The following CDH18 variants were observed in gnomAD, a reference collection of about 807,000 sequenced individuals.
CDH18 encodes cadherin 18, also known as cadherin-18.
Under a neutral mutation model 67.9 loss-of-function variants are expected in CDH18, and 31 were observed. The ratio of observed to expected loss-of-function variants is 0.46; its 90% confidence interval spans 0.34 to 0.62. The LOEUF (loss-of-function observed/expected upper bound fraction) is 0.62, where lower values mean the gene tolerates loss of function less well. Ranked by LOEUF, CDH18 falls within the 20% of genes least tolerant of loss-of-function variation. CDH18 has a pLI of 0.01. For synonymous variants in CDH18, 362 were observed against 347.2 expected, an observed-to-expected ratio of 1.04 and a Z score of -0.48; for missense variants, 890 against 975.5, an observed-to-expected ratio of 0.91 and a Z score of 1.17.
chr5:19,964,067 G>A (rs1797185150), intron 2 of CDH18, among the ~76,000 whole-genome samples: 2 of 152,084 alleles, frequency 1.3e-5, no homozygotes, highest in Non-Finnish European at 1.5e-5. Context: ...GGATTTGAGT[G>A]AGGACACAGC....
At chr5:20,411,969 T>C (rs1746823188) in intron 1 of CDH18, among the ~76,000 whole-genome samples, 1 of 152,204 alleles carries the variant, frequency 6.6e-6, no homozygotes. Flanking sequence ...GAAAGCAATC[T>C]ACAGATTCAC....
intron 1 of CDH18, among the ~76,000 whole-genome samples, chr5:20,519,491 G>A (rs1755593130): frequency 6.6e-6 from 1 of 151,934 alleles, no homozygotes; most frequent in Non-Finnish European, 1.5e-5. Flanking sequence ...GAGAGGGGAG[G>A]GATAGCATTA....
At chr5:20,466,993 T>A (rs1751675783) in intron 1 of CDH18, among the ~76,000 whole-genome samples, 1 of 152,066 alleles carries the variant, frequency 6.6e-6, no homozygotes, top group Non-Finnish European at 1.5e-5. Context: ...TAATATGAAA[T>A]GGATAATGTC....
At chr5:19,513,864 T>C (rs916939368) in intron 10 of CDH18, among the ~76,000 whole-genome samples, 1 of 152,154 alleles carries the variant, frequency 6.6e-6, no homozygotes, top group Non-Finnish European at 1.5e-5. Context: ...TTTTTTTTTA[T>C]ACTTTAAGTT....
intron 11 of CDH18, among the ~76,000 whole-genome samples, chr5:19,490,647 T>C (rs2126664661): frequency 6.6e-6 from 1 of 152,102 alleles, no homozygotes; most frequent in African/African-American, 2.4e-5. Flanking sequence ...TCTCTGGACC[T>C]CATGATCTGC....
intron 8 of CDH18, among the ~76,000 whole-genome samples, chr5:19,544,621 C>A (rs1030431615): frequency 6.6e-5 from 10 of 152,118 alleles, no homozygotes; most frequent in Admixed American, 5.9e-4. Flanking sequence ...TTGTAGAGTT[C>A]TCTTATATTG....
At chr5:19,502,776 T>A in intron 11 of CDH18, 3 of 555,738 alleles carry the variant, frequency 5.4e-6, no homozygotes, top group Non-Finnish European at 9.5e-6. Context: ...ACATTTCTTG[T>A]TTAAAGAGAT....
chr5:20,553,725 T>C (rs1757763463), intron 1 of CDH18, among the ~76,000 whole-genome samples: 2 of 152,166 alleles, frequency 1.3e-5, no homozygotes, highest in African/African-American at 4.8e-5. Flanking sequence ...AAGTTGCACA[T>C]ATCATAAGAC....
rs550457715 is a variant in CDH18 at position 20,424,610 on chromosome 5, G to C, written c.-580+150852C>G. Among the ~76,000 whole-genome samples, 4 of 149,760 alleles carry C rather than the reference G, an allele frequency of 2.7e-5. No individual in the cohort carries two copies. The East Asian group carries it at 5.8e-4, about 22-fold the overall frequency. On this transcript the variant is annotated intron_variant, in intron 1 of 14. Coordinates refer to the CDH18 transcript ENST00000507958. Reference sequence around the variant, plus strand: ...TACTAAATACAAAAATTAGCCAGGCGTGGTGGTGCATGCCTGTAATCCCAG... The same window carrying C: ...TACTAAATACAAAAATTAGCCAGGCCTGGTGGTGCATGCCTGTAATCCCAG...
intron 1 of CDH18, among the ~76,000 whole-genome samples, chr5:20,570,695 C>G (rs769803290): frequency 6.6e-6 from 1 of 152,194 alleles, no homozygotes. Flanking sequence ...AGGGCTGGCT[C>G]AAGGATGAAG....
At chr5:19,643,159 CCAGT>C (rs1350823974) in intron 5 of CDH18, among the ~76,000 whole-genome samples, 2 of 151,942 alleles carry the variant, frequency 1.3e-5, no homozygotes, top group Non-Finnish European at 2.9e-5. Flanking sequence ...CTTAGAATGG[CCAGT>C]CACTGTCACA....
chr5:20,250,589 C>CTTTTTTT (rs70954644), intron 2 of CDH18, among the ~76,000 whole-genome samples: 2 of 33,568 alleles, frequency 6.0e-5, no homozygotes, highest in Non-Finnish European at 9.5e-5. Flanking sequence ...CGGCCCATGG[C>CTTTTTTT]TTTTTTTTTT....
At chr5:20,005,223 A>G (rs1736789910) in intron 2 of CDH18, among the ~76,000 whole-genome samples, 1 of 152,296 alleles carries the variant, frequency 6.6e-6, no homozygotes, top group Admixed American at 6.5e-5. Context: ...ATGACACTAG[A>G]TATCTCACCA....
intron 2 of CDH18, among the ~76,000 whole-genome samples, chr5:20,063,781 A>T (rs1382969172): frequency 6.6e-6 from 1 of 152,166 alleles, no homozygotes; most frequent in East Asian, 1.9e-4. Context: ...TTTAGATATA[A>T]ATGTACCAAC....
chr5:19,614,887 C>A (rs777730839), intron 5 of CDH18, among the ~76,000 whole-genome samples: 1 of 152,122 alleles, frequency 6.6e-6, no homozygotes, highest in Non-Finnish European at 1.5e-5. Context: ...GCGGCTCAGG[C>A]CTATAATCCC....
At chr5:19,824,464 G>C (rs1224498202) in intron 3 of CDH18, among the ~76,000 whole-genome samples, 1 of 152,170 alleles carries the variant, frequency 6.6e-6, no homozygotes, top group Non-Finnish European at 1.5e-5. Flanking sequence ...GACTGGAAAT[G>C]AGAGAATCCT....
chr5:20,229,165 A>C (rs1258278597), intron 2 of CDH18, among the ~76,000 whole-genome samples: 2 of 152,078 alleles, frequency 1.3e-5, no homozygotes, highest in Non-Finnish European at 2.9e-5. Flanking sequence ...TGAAGCCTTT[A>C]TTTTATGTAT....
intron 1 of CDH18, among the ~76,000 whole-genome samples, chr5:20,389,076 T>C (rs923119191): frequency 7.2e-5 from 11 of 152,160 alleles, no homozygotes; most frequent in African/African-American, 2.7e-4. Context: ...GTCTGCTTGG[T>C]ACAGAGCTGA....
intron 3 of CDH18, among the ~76,000 whole-genome samples, chr5:19,766,426 T>C (rs1191070106): frequency 1.3e-5 from 2 of 152,182 alleles, no homozygotes; most frequent in South Asian, 2.1e-4. Context: ...TCCATCACAG[T>C]TACCACTGGG....
Sources: gnomAD v4.1 joint callset for allele counts (sites outside exome capture counted in the v4.1 genomes callset) on GRCh38, gnomAD v4.1.1 for gene constraint, MANE v1.5 for transcripts, NCBI Gene and HGNC (gene_info 2026-07-23, HGNC 2026-07-21) for gene names.